Variants in PRICKLE1 observed in about 807,000 individuals in gnomAD.
The protein encoded by PRICKLE1 is prickle-like protein 1.
Under a neutral mutation model 70.2 loss-of-function variants are expected in PRICKLE1, and 14 were observed. That is an observed-to-expected ratio of 0.20 (90% confidence interval 0.13 to 0.31). PRICKLE1 has a LOEUF of 0.31. Among genes scored for constraint, PRICKLE1 ranks in the 10% least tolerant of loss-of-function variants. The pLI is 1.00. For missense variants in PRICKLE1, 821 were observed against 1,026.2 expected (o/e 0.80, Z 2.73); for synonymous variants, 357 against 379.9 (o/e 0.94, Z 0.70).
At chr12:42,555,292 G>A (rs1227263513) in intron 1 of PRICKLE1, among the ~76,000 whole-genome samples, 1 of 152,068 alleles carries the variant, frequency 6.6e-6, no homozygotes, top group Admixed American at 6.6e-5. Context: ...TGACAAGAGC[G>A]AAACTCCATC....
intron 1 of PRICKLE1, among the ~76,000 whole-genome samples, chr12:42,575,678 A>T (rs1248785610): frequency 6.6e-6 from 1 of 151,998 alleles, no homozygotes; most frequent in African/African-American, 2.4e-5. Flanking sequence ...TGGGTGACAG[A>T]GCGAAACTCC....
intron 2 of PRICKLE1, 111 bp downstream of exon 2, chr12:42,472,274 G>A (rs1938353123): frequency 8.5e-7 from 1 of 1,183,290 alleles, no homozygotes; most frequent in Non-Finnish European, 1.2e-6. Context: ...GGACTGAGGA[G>A]GGTGGTATTC....
At chr12:42,577,759 T>C (rs988960520) in intron 1 of PRICKLE1, among the ~76,000 whole-genome samples, 7 of 152,218 alleles carry the variant, frequency 4.6e-5, no homozygotes, top group Non-Finnish European at 1.0e-4. Context: ...GCAATAATTA[T>C]GTAAAAGCAT....
At chr12:42,476,084 C>T (rs1938516949) in intron 1 of PRICKLE1, among the ~76,000 whole-genome samples, 1 of 123,700 alleles carries the variant, frequency 8.1e-6, no homozygotes, top group Admixed American at 8.4e-5. Context: ...AAGAGCAAAA[C>T]TCCGTCTCAA....
chr12:42,554,648 A>G (rs913746148), intron 1 of PRICKLE1, among the ~76,000 whole-genome samples: 1 of 152,208 alleles, frequency 6.6e-6, no homozygotes, highest in Admixed American at 6.5e-5. Context: ...TTCTTGCTAG[A>G]AAAAAAGGAA....
intron 1 of PRICKLE1, among the ~76,000 whole-genome samples, chr12:42,542,244 T>G (rs1229241183): frequency 6.6e-6 from 1 of 151,384 alleles, no homozygotes; most frequent in Non-Finnish European, 1.5e-5. Context: ...GGTCTTTGGT[T>G]TTTTTTTTAT....
intron 1 of PRICKLE1, among the ~76,000 whole-genome samples, chr12:42,486,797 A>G (rs545051409): frequency 1.3e-5 from 2 of 152,336 alleles, no homozygotes; most frequent in African/African-American, 4.8e-5. Flanking sequence ...AGGATTTATA[A>G]CTACTGTAAG....
In PRICKLE1 at chr12:42,464,942, T is replaced by C. The variant is rs2140101756; in HGVS notation, c.1092A>G (p.Ser364=). Residue 364 remains serine, a synonymous_variant, in exon 7 of 8, where the codon TCA becomes TCG. Transcript: ENST00000345127. The surrounding 1 kb of genome is among the most constrained non-coding windows in gnomAD (Gnocchi z 4.2). Reference sequence around the variant, plus strand: ...GAGAAAGGGTGTCATCAGCATTGCCTGAGAGGCCAGGAAACTTGTAGTTCA... The same window carrying C: ...GAGAAAGGGTGTCATCAGCATTGCCCGAGAGGCCAGGAAACTTGTAGTTCA... ...PALNYKFPGL[S]GNADDTLSRK... is the part of the protein sequence containing the mutation. 3 of 1,614,036 alleles carry C rather than the reference T, an allele frequency of 1.9e-6. No homozygotes were observed. The highest frequency in any genetic ancestry group is 2.2e-5 in the East Asian group (1 of 44,874).
At chr12:42,503,419 T>TG (rs1259600796) in intron 1 of PRICKLE1, among the ~76,000 whole-genome samples, 1 of 152,094 alleles carries the variant, frequency 6.6e-6, no homozygotes, top group African/African-American at 2.4e-5. Flanking sequence ...TTCTTTGCAG[T>TG]GCTGGGTAGT....
chr12:42,465,173 A>G lies in PRICKLE1; in HGVS notation c.861T>C (p.Ser287=), dbSNP rs537302175. 1.1e-5 allele frequency: 17 copies of G among 1,598,170 alleles called. No individual in the cohort carries two copies. Among genetic ancestry groups the G allele is most frequent in the Non-Finnish European group, 1.4e-5 (17 of 1,175,754 alleles). Reference sequence around the variant, plus strand: ...TGGGAAGGAAGGGACATCCCAACAAAGAGGCTTTACACTGGGCACAAGAAA... The same window carrying G: ...TGGGAAGGAAGGGACATCCCAACAAGGAGGCTTTACACTGGGCACAAGAAA... The part of the protein sequence containing the change: ...ACFSCAQCKA[S]LLGCPFLPKQ... Residue 287 remains serine (S), a synonymous_variant, in exon 7 of 8, where the codon TCT becomes TCC. Transcript: ENST00000345127.
At chr12:42,492,513 A>C (rs1004226500) in intron 1 of PRICKLE1, among the ~76,000 whole-genome samples, 1 of 152,238 alleles carries the variant, frequency 6.6e-6, no homozygotes, top group East Asian at 1.9e-4. Flanking sequence ...TCCTGGAAGA[A>C]GAAAACAGCC....
intron 1 of PRICKLE1, among the ~76,000 whole-genome samples, chr12:42,534,994 C>T (rs969860233): frequency 1.3e-5 from 2 of 152,120 alleles, no homozygotes; most frequent in East Asian, 1.9e-4. Flanking sequence ...CATCTCTCAT[C>T]CACTCTCAGT....
At chr12:42,538,861 A>G (rs970569157) in intron 1 of PRICKLE1, among the ~76,000 whole-genome samples, 3 of 152,180 alleles carry the variant, frequency 2.0e-5, no homozygotes, top group African/African-American at 7.2e-5. Flanking sequence ...ACATAAATAC[A>G]GTTTCTTGTT....
chr12:42,521,968 G>A (rs867489639), intron 1 of PRICKLE1, among the ~76,000 whole-genome samples: 1 of 68,226 alleles, frequency 1.5e-5, no homozygotes, highest in Non-Finnish European at 3.4e-5. Flanking sequence ...GTGTGTGTGT[G>A]TGTTTAACTT....
rs1457774536 is a variant in PRICKLE1 at position 42,466,262 on chromosome 12, C to T, written c.707G>A (p.Arg236His). ...CTCAAAACAGCCACAGCAGAAGGGG[C>T]GGCCGTCCTTCATGATATACCTCTG... ...GGQRYIMKDG[R>H]PFCCGCFESL... Residue 236 changes from arginine (R) to histidine (H), a missense_variant, in exon 6 of 8, where the codon CGC becomes CAC. Physicochemically the swap from Arg to His is conservative, Grantham distance 29. Coordinates refer to ENST00000345127, the MANE Select transcript of PRICKLE1 (RefSeq NM_153026.3). The T allele has an allele frequency of 8.1e-6, 13 of 1,614,182 alleles. No homozygotes were observed. Among genetic ancestry groups the T allele is most frequent in the South Asian group, 1.1e-5 (1 of 91,074 alleles).
At chr12:42,536,994 T>C (rs910350996) in intron 1 of PRICKLE1, among the ~76,000 whole-genome samples, 2 of 152,230 alleles carry the variant, frequency 1.3e-5, no homozygotes, top group African/African-American at 2.4e-5. Context: ...AATCCACCTA[T>C]AGAGTTGTTT....
chr12:42,519,862 T>C (rs1379085438), intron 1 of PRICKLE1, among the ~76,000 whole-genome samples: 2 of 152,138 alleles, frequency 1.3e-5, no homozygotes, highest in African/African-American at 4.8e-5. Context: ...GGCTGGAGTA[T>C]AGTGGTAAGA....
chr12:42,472,318 A>G, intron 2 of PRICKLE1, 67 bp downstream of exon 2: 2 of 1,565,630 alleles, frequency 1.3e-6, no homozygotes, highest in East Asian at 4.5e-5. Context: ...CATTTACAAA[A>G]TAATGTTCTA....
At chr12:42,580,286 A>G (rs965009601) in intron 1 of PRICKLE1, among the ~76,000 whole-genome samples, 2 of 152,226 alleles carry the variant, frequency 1.3e-5, no homozygotes, top group Admixed American at 6.5e-5. Context: ...AAAAGTGAGG[A>G]AACATAGGAT....
Sources: gnomAD v4.1 joint callset for allele counts (sites outside exome capture counted in the v4.1 genomes callset) on GRCh38, gnomAD v4.1.1 for gene constraint, Gnocchi (gnomAD v3.1) non-coding constraint, MANE v1.5 for transcripts, NCBI Gene and HGNC (gene_info 2026-07-23, HGNC 2026-07-21) for gene names.